CACNA2D1: variants seen among roughly 807,000 people sequenced by gnomAD.
The protein encoded by CACNA2D1 is voltage-dependent calcium channel subunit alpha-2/delta-1.
A neutral mutation model predicts 171.5 loss-of-function variants in CACNA2D1; 53 were observed. The observed-to-expected ratio is 0.31, with a 90% CI of 0.25 to 0.39. CACNA2D1 has a LOEUF of 0.39. Among genes scored for constraint, CACNA2D1 ranks in the 10% least tolerant of loss-of-function variants. The probability of loss-of-function intolerance (pLI) is 1.00; values close to 1 mark genes in which losing one functional copy is unlikely to be tolerated. For synonymous variants in CACNA2D1, 442 were observed against 443.1 expected, an observed-to-expected ratio of 1.00 and a Z score of 0.03; for missense variants, 903 against 1,299.8, an observed-to-expected ratio of 0.69 and a Z score of 4.69.
intron 1 of CACNA2D1, among the ~76,000 whole-genome samples, chr7:82,378,720 A>T (rs1193218975): frequency 6.6e-6 from 1 of 152,168 alleles, no homozygotes; most frequent in African/African-American, 2.4e-5. Flanking sequence ...CATCCTAGTT[A>T]TCTCCTTAAA....
intron 3 of CACNA2D1, among the ~76,000 whole-genome samples, chr7:82,333,218 A>T (rs1817596644): frequency 6.6e-6 from 1 of 152,240 alleles, no homozygotes; most frequent in Non-Finnish European, 1.5e-5. Context: ...TCAAAATCCC[A>T]GTAGACATTT....
chr7:82,184,473 A>T (rs556808942), intron 3 of CACNA2D1, among the ~76,000 whole-genome samples: 1 of 151,990 alleles, frequency 6.6e-6, no homozygotes, highest in Non-Finnish European at 1.5e-5. Flanking sequence ...TTTTATTTTA[A>T]TTTGAGTAAT....
At chr7:82,016,421 C>T (rs562399391) in intron 12 of CACNA2D1, among the ~76,000 whole-genome samples, 2 of 152,114 alleles carry the variant, frequency 1.3e-5, no homozygotes, top group South Asian at 4.2e-4. Flanking sequence ...CCACAACAAT[C>T]ATCTAGTAAA....
At chr7:82,225,015 C>T (rs1802202751) in intron 3 of CACNA2D1, among the ~76,000 whole-genome samples, 1 of 152,296 alleles carries the variant, frequency 6.6e-6, no homozygotes, top group Admixed American at 6.5e-5. Context: ...TCTCTCTCAA[C>T]TTTTTCTAAG....
intron 1 of CACNA2D1, among the ~76,000 whole-genome samples, chr7:82,418,233 G>A (rs1828374761): frequency 6.6e-6 from 1 of 152,128 alleles, no homozygotes; most frequent in South Asian, 2.1e-4. Context: ...AGTATCATTA[G>A]AATAGGATGG....
At chr7:81,992,706 T>C (rs918584501) in intron 20 of CACNA2D1, among the ~76,000 whole-genome samples, 1 of 152,184 alleles carries the variant, frequency 6.6e-6, no homozygotes, top group African/African-American at 2.4e-5. Context: ...AATAAAATAA[T>C]CAAACGGACA....
intron 3 of CACNA2D1, among the ~76,000 whole-genome samples, chr7:82,237,595 A>G (rs1362144993): frequency 6.6e-6 from 1 of 151,980 alleles, no homozygotes; most frequent in Non-Finnish European, 1.5e-5. Flanking sequence ...ATCTAATTGG[A>G]TTATTTTCTG....
intron 3 of CACNA2D1, among the ~76,000 whole-genome samples, chr7:82,173,667 T>C (rs1169488568): frequency 6.6e-6 from 1 of 150,482 alleles, no homozygotes; most frequent in Non-Finnish European, 1.5e-5. Flanking sequence ...CTTTAAGCCT[T>C]TAATTCACTT....
chr7:82,269,333 A>C (rs1365274186), intron 3 of CACNA2D1, among the ~76,000 whole-genome samples: 1 of 152,188 alleles, frequency 6.6e-6, no homozygotes, highest in Non-Finnish European at 1.5e-5. Context: ...ATAGAATTCA[A>C]ATCCAGATGT....
At chr7:82,039,535 C>T (rs531001177) in intron 10 of CACNA2D1, among the ~76,000 whole-genome samples, 1 of 152,066 alleles carries the variant, frequency 6.6e-6, no homozygotes, top group African/African-American at 2.4e-5. Flanking sequence ...TATCATTATC[C>T]CCATTTTATC....
intron 3 of CACNA2D1, among the ~76,000 whole-genome samples, chr7:82,252,235 C>T (rs1290688333): frequency 2.0e-5 from 3 of 152,140 alleles, no homozygotes; most frequent in Non-Finnish European, 2.9e-5. Context: ...ATAGGCCAAG[C>T]ATTTTGCAAA....
chr7:82,008,417 G>A (rs1227036613), intron 15 of CACNA2D1, among the ~76,000 whole-genome samples: 4 of 152,012 alleles, frequency 2.6e-5, no homozygotes, highest in African/African-American at 9.7e-5. Flanking sequence ...TAAAAGTCTA[G>A]TCTGAAGAGT....
intron 12 of CACNA2D1, among the ~76,000 whole-genome samples, chr7:82,016,099 A>G (rs117603547): frequency 4.2e-4 from 64 of 152,286 alleles, no homozygotes; most frequent in Middle Eastern, 3.4e-3. Context: ...GGAATTCCCA[A>G]TCAAAATGCA....
intron 7 of CACNA2D1, among the ~76,000 whole-genome samples, chr7:82,072,564 A>G (rs1040038975): frequency 6.6e-6 from 1 of 151,470 alleles, no homozygotes; most frequent in Non-Finnish European, 1.5e-5. Context: ...CTGAATGTCT[A>G]AAGCTTTATG....
At chr7:82,171,294 T>C (rs1176571982) in intron 3 of CACNA2D1, among the ~76,000 whole-genome samples, 1 of 152,110 alleles carries the variant, frequency 6.6e-6, no homozygotes, top group African/African-American at 2.4e-5. Flanking sequence ...AGTGTCAGCC[T>C]GCCAATCACT....
At position 82,149,790 on chromosome 7, in the gene CACNA2D1, ACAAC is replaced by A. The variant is rs200099889; in HGVS notation, c.355-13118_355-13115del. ...AAAAATACAAAAAAAAAACAAACAA[ACAAC>A]AAAAAAAAAAACATTAGCTGGGTGT... is the stretch of plus-strand genomic sequence containing the variant. On this transcript the variant is annotated intron_variant, in intron 4 of 38. Transcript: ENST00000356860. Among the ~76,000 whole-genome samples, 531 of 144,544 alleles carry A rather than the reference ACAAC, an allele frequency of 3.7e-3. 7 individuals are homozygous for A. Among genetic ancestry groups the A allele is most frequent in the African/African-American group, 0.012 (486 of 39,450 alleles). The allele number at this position is 144,544 out of a possible 152,430, so 94.8% of individuals were successfully genotyped here.
intron 31 of CACNA2D1, among the ~76,000 whole-genome samples, chr7:81,966,934 T>C (rs1324421388): frequency 1.3e-5 from 2 of 151,482 alleles, no homozygotes; most frequent in Non-Finnish European, 3.0e-5. Flanking sequence ...AACCATCATA[T>C]TGACATGACC....
At chr7:82,196,812 G>T (rs1295232276) in intron 3 of CACNA2D1, among the ~76,000 whole-genome samples, 1 of 151,060 alleles carries the variant, frequency 6.6e-6, no homozygotes, top group African/African-American at 2.4e-5. Flanking sequence ...TTCTCATCTG[G>T]TACATTTTTT....
intron 1 of CACNA2D1, among the ~76,000 whole-genome samples, chr7:82,381,794 A>T (rs1823743624): frequency 6.6e-6 from 1 of 152,212 alleles, no homozygotes; most frequent in African/African-American, 2.4e-5. Context: ...ACTCAAGAAT[A>T]AAATTCTCAG....
Sources: gnomAD v4.1 joint callset for allele counts (sites outside exome capture counted in the v4.1 genomes callset) on GRCh38, gnomAD v4.1.1 for gene constraint, MANE v1.5 for transcripts, NCBI Gene and HGNC (gene_info 2026-07-23, HGNC 2026-07-21) for gene names.